BBS9: variants seen among roughly 807,000 people sequenced by gnomAD.
The protein encoded by BBS9 is Bardet-Biedl syndrome 9.
In BBS9, 89 loss-of-function variants were observed where a neutral mutation model predicts 117.7. The ratio of observed to expected loss-of-function variants is 0.76; its 90% confidence interval spans 0.64 to 0.90. The LOEUF (loss-of-function observed/expected upper bound fraction) is 0.90, where lower values mean the gene tolerates loss of function less well. BBS9 is among the 40% of genes least tolerant of loss of function. The pLI is 0.00. For missense variants in BBS9, 982 were observed against 1,042.2 expected, an observed-to-expected ratio of 0.94 and a Z score of 0.80; for synonymous variants, 379 against 370.9, an observed-to-expected ratio of 1.02 and a Z score of -0.25.
At chr7:33,186,773 T>C (rs1349771218) in intron 5 of BBS9, among the ~76,000 whole-genome samples, 1 of 152,192 alleles carries the variant, frequency 6.6e-6, no homozygotes, top group Non-Finnish European at 1.5e-5. Flanking sequence ...CCAAGCTGCT[T>C]TTTTGAAGGA....
At position 33,258,224 on chromosome 7, in the gene BBS9, G is replaced by A. The variant is rs1797405494; in HGVS notation, c.617+814G>A. On this transcript the variant is annotated intron_variant, in intron 6 of 22. Transcript: ENST00000242067. ...GTCTTACTGGTGGCAACATTTGGAA[G>A]TTTAAACATCTAAGCAACACATCAT... Among the ~76,000 whole-genome samples, 3 of 152,146 alleles carry A rather than the reference G, an allele frequency of 2.0e-5. 1 individual carries two copies. Among genetic ancestry groups the A allele is most frequent in the Admixed American group, 2.0e-4 (3 of 15,274 alleles).
intron 20 of BBS9, among the ~76,000 whole-genome samples, chr7:33,512,532 A>T (rs1585074773): frequency 6.6e-6 from 1 of 152,332 alleles, no homozygotes; most frequent in East Asian, 1.9e-4. Context: ...TCAAACAATC[A>T]CAGTGAGGAA....
At chr7:33,308,320 G>T (rs1808469151) in intron 9 of BBS9, among the ~76,000 whole-genome samples, 1 of 152,106 alleles carries the variant, frequency 6.6e-6, no homozygotes, top group Non-Finnish European at 1.5e-5. Context: ...ACAAAATAAG[G>T]CCAGAATTAA....
At chr7:33,557,771 A>ACATC (rs760793834) in intron 21 of BBS9, among the ~76,000 whole-genome samples, 2 of 152,352 alleles carry the variant, frequency 1.3e-5, no homozygotes, top group African/African-American at 2.4e-5. Flanking sequence ...TTGGCTTGGG[A>ACATC]CATCCTCCGT....
intron 5 of BBS9, among the ~76,000 whole-genome samples, chr7:33,215,313 C>T (rs559195352): frequency 6.6e-6 from 1 of 152,290 alleles, no homozygotes; most frequent in South Asian, 2.1e-4. Flanking sequence ...ACCAGTGGAA[C>T]AGAGTATAGA....
In BBS9 at chr7:33,360,838, A is replaced by G. The variant is rs1001057507; in HGVS notation, c.1693+2843A>G. Among the ~76,000 whole-genome samples, 59 of 152,260 alleles carry G rather than the reference A, an allele frequency of 3.9e-4. 1 individual carries two copies. Among genetic ancestry groups the G allele is most frequent in the African/African-American group, 1.4e-3 (57 of 41,546 alleles). ...CTGTGCCTGGCCAAGACATTTCTTT[A>G]TCTCATATAAAGAGGAATCCAGAAG... On this transcript the variant is annotated intron_variant, in intron 16 of 22. Coordinates refer to ENST00000242067, the MANE Select transcript of BBS9 (RefSeq NM_198428.3).
intron 5 of BBS9, among the ~76,000 whole-genome samples, chr7:33,196,144 T>G (rs1200247725): frequency 1.3e-5 from 2 of 152,100 alleles, no homozygotes; most frequent in East Asian, 3.8e-4. Flanking sequence ...AAGAAAATAG[T>G]GAACTGAAGG....
intron 21 of BBS9, among the ~76,000 whole-genome samples, chr7:33,616,109 A>G (rs755781527): frequency 2.0e-5 from 3 of 152,146 alleles, no homozygotes; most frequent in Non-Finnish European, 4.4e-5. Flanking sequence ...TACATAAAGA[A>G]GAGCATCAGA....
At chr7:33,315,462 C>T (rs555691870) in intron 9 of BBS9, among the ~76,000 whole-genome samples, 1 of 152,272 alleles carries the variant, frequency 6.6e-6, no homozygotes, top group African/African-American at 2.4e-5. Flanking sequence ...GCCACAAAGT[C>T]AGTCCAGATT....
intron 19 of BBS9, among the ~76,000 whole-genome samples, chr7:33,476,329 G>C (rs1437521699): frequency 1.3e-5 from 2 of 152,122 alleles, no homozygotes; most frequent in Non-Finnish European, 2.9e-5. Context: ...CAGTTACTCT[G>C]AGCCATTCCT....
intron 19 of BBS9, among the ~76,000 whole-genome samples, chr7:33,399,159 G>A (rs571847303): frequency 8.5e-5 from 13 of 152,226 alleles, no homozygotes; most frequent in South Asian, 2.1e-4. Flanking sequence ...AGATAGTGCC[G>A]TACCAGGCAT....
chr7:33,535,097 A>C (rs942905500), intron 21 of BBS9, among the ~76,000 whole-genome samples: 1 of 152,194 alleles, frequency 6.6e-6, no homozygotes, highest in Non-Finnish European at 1.5e-5. Flanking sequence ...TAAAAGATAA[A>C]CATGGAGACA....
chr7:33,175,089 A>C (rs1797139357), intron 4 of BBS9, among the ~76,000 whole-genome samples: 1 of 152,202 alleles, frequency 6.6e-6, no homozygotes, highest in African/African-American at 2.4e-5. Context: ...GGAACACCTG[A>C]GGTCAGGAGT....
At chr7:33,314,239 CTTTT>C in intron 9 of BBS9, 1 of 350,370 alleles carries the variant, frequency 2.9e-6, no homozygotes, top group Non-Finnish European at 5.5e-6. Context: ...AATTTCCTTT[CTTTT>C]TTTTTTTTTC....
intron 19 of BBS9, among the ~76,000 whole-genome samples, chr7:33,435,583 C>T (rs1224155003): frequency 2.0e-5 from 3 of 151,994 alleles, no homozygotes; most frequent in Non-Finnish European, 4.4e-5. Flanking sequence ...TTTTTGTCTT[C>T]TCCTTGCAAT....
intron 9 of BBS9, among the ~76,000 whole-genome samples, chr7:33,293,187 A>G (rs1359315248): frequency 2.0e-5 from 3 of 152,090 alleles, no homozygotes; most frequent in African/African-American, 7.2e-5. Flanking sequence ...ATATTTTACC[A>G]TGAAAATATT....
At position 33,565,819 on chromosome 7, in the gene BBS9, A is replaced by ATATACTGC. The variant is rs1856812098; in HGVS notation, c.2521+31647_2521+31648insCTGCTATA. Reference sequence around the variant, plus strand: ...TATATATATATATATATATATATATATATATATACCGCTATATATACTGCT... The same window carrying ATATACTGC: ...TATATATATATATATATATATATATATATACTGCTATATATACCGCTATATATACTGCT... On this transcript the variant is annotated intron_variant, in intron 21 of 22. Transcript: ENST00000242067. Among the ~76,000 whole-genome samples, 4 of 60,036 alleles carry ATATACTGC rather than the reference A, an allele frequency of 6.7e-5. No individual in the cohort carries two copies. The African/African-American group carries it at 7.2e-4, about 11-fold the overall frequency. The allele number at this position is 60,036 out of a possible 152,430, so 39.4% of individuals were successfully genotyped here. A position where few individuals can be genotyped will look rare whatever the true frequency, so the allele number is the denominator to read the frequency against.
At chr7:33,209,139 C>T (rs916259954) in intron 5 of BBS9, among the ~76,000 whole-genome samples, 2 of 152,074 alleles carry the variant, frequency 1.3e-5, no homozygotes, top group African/African-American at 2.4e-5. Context: ...TTCTTTATCT[C>T]CGTGAGTTTA....
chr7:33,194,948 G>C (rs1235425968), intron 5 of BBS9, among the ~76,000 whole-genome samples: 3 of 152,188 alleles, frequency 2.0e-5, no homozygotes. Context: ...CATACTGGGA[G>C]ACTGGAGATC....
Sources: allele counts gnomAD v4.1 joint callset (sites outside exome capture counted in the v4.1 genomes callset), GRCh38; gene constraint gnomAD v4.1.1; transcripts MANE v1.5; gene names NCBI Gene and HGNC (gene_info 2026-07-23, HGNC 2026-07-21).